Variants in NCOR2 observed in about 807,000 individuals in gnomAD.
NCOR2 encodes the protein CTG repeat protein 26.
Under a neutral mutation model 262.9 loss-of-function variants are expected in NCOR2, and 81 were observed. That is an observed-to-expected ratio of 0.31 (90% confidence interval 0.26 to 0.37). The LOEUF is 0.37. NCOR2 is among the 10% of genes least tolerant of loss of function. The pLI is 1.00. For missense variants in NCOR2, 3,385 were observed against 3,621.4 expected (o/e 0.93, Z 1.68); for synonymous variants, 1,659 against 1,559.3 (o/e 1.06, Z -1.51).
exon 15 of NCOR2, chr12:124,400,610 G>A: frequency 6.2e-6 from 10 of 1,614,198 alleles, no homozygotes; most frequent in Non-Finnish European, 8.5e-6. Context: ...CAGTTTTGCG[G>A]CCTTTGGAGG....
intron 23 of NCOR2, among the ~76,000 whole-genome samples, chr12:124,356,278 C>T (rs1338538668): frequency 2.6e-5 from 4 of 152,212 alleles, no homozygotes; most frequent in African/African-American, 7.2e-5. Context: ...AGAACAGGGC[C>T]GAAATGCAGC....
chr12:124,400,349 C>T lies in NCOR2; in HGVS notation c.1813+152G>A, dbSNP rs1051448972. ...TTCATGCTGGGCCACACAGCACATC[C>T]AGTAGGTAGCGCTGGGATTTGACTC... On this transcript the variant is annotated intron_variant, in intron 15 of 46. Transcript: ENST00000405201. The T allele has an allele frequency of 8.9e-5, 93 of 1,046,206 alleles. No homozygotes were observed. The East Asian group carries it at 2.2e-3, about 25-fold the overall frequency. 64.8% of individuals were successfully genotyped at this position (1,046,206 alleles called of 1,614,324 possible).
chr12:124,328,457 C>T (rs2034884713), intron 44 of NCOR2: 1 of 152,568 alleles, frequency 6.6e-6, no homozygotes, highest in Non-Finnish European at 1.5e-5. Flanking sequence ...ACAAACCGGT[C>T]CCAAGAGGAT....
At chr12:124,500,647 C>T (rs2048650192) in intron 1 of NCOR2, among the ~76,000 whole-genome samples, 1 of 152,158 alleles carries the variant, frequency 6.6e-6, no homozygotes, top group Non-Finnish European at 1.5e-5. Flanking sequence ...CTCTTCCCAC[C>T]TGGCCGGGCA....
chr12:124,429,836 C>A, intron 9 of NCOR2, 130 bp from the exon 12 acceptor site: 1 of 855,198 alleles, frequency 1.2e-6, no homozygotes, highest in Non-Finnish European at 1.8e-6. Context: ...GCAGAGGGGC[C>A]GGCCCCACAC....
At chr12:124,532,699 CCGGAGA>C (rs1489243662) in intron 1 of NCOR2, among the ~76,000 whole-genome samples, 2 of 152,208 alleles carry the variant, frequency 1.3e-5, no homozygotes, top group African/African-American at 2.4e-5. Context: ...CCCCATTAGG[CCGGAGA>C]CGGAGACGCC....
intron 1 of NCOR2, among the ~76,000 whole-genome samples, chr12:124,515,711 G>GT (rs1472412601): frequency 1.3e-5 from 2 of 150,782 alleles, no homozygotes; most frequent in African/African-American, 4.9e-5. Flanking sequence ...TCGTGTGACT[G>GT]TGTGTATGGT....
intron 12 of NCOR2, 86 bp downstream of exon 14, chr12:124,422,415 G>T: frequency 6.6e-7 from 1 of 1,520,196 alleles, no homozygotes; most frequent in East Asian, 2.3e-5. Context: ...GGCCTTGTGG[G>T]CAAGGAGGGA....
chr12:124,559,368 G>A (rs566608847), intron 1 of NCOR2, among the ~76,000 whole-genome samples: 1 of 152,278 alleles, frequency 6.6e-6, no homozygotes, highest in South Asian at 2.1e-4. Flanking sequence ...CATTCCCTCA[G>A]GCCAAGCAGT....
Position 124,327,986 on chromosome 12 carries a change from C to T in NCOR2, c.6959-353G>A, listed in dbSNP as rs184021973. ...TCTGGGAAATCACAAGCCCCGTCTG[C>T]ACCTCCAATCCTAGCTGGGGCTGTT... On this transcript the variant is annotated intron_variant, in intron 44 of 46. Transcript: ENST00000405201. Among the ~76,000 whole-genome samples the T allele has an allele frequency of 8.6e-5, 13 of 152,022 alleles. No homozygotes were observed. The East Asian group carries it at 2.5e-3, about 29-fold the overall frequency.
chr12:124,567,102 AAGTTCCCCGGCGCCCCCG>A, intron 1 of NCOR2, among the ~76,000 whole-genome samples, 188 bp downstream of exon 1: 1 of 147,130 alleles, frequency 6.8e-6, no homozygotes, highest in Non-Finnish European at 1.5e-5. Flanking sequence ...GAGTTCCCCT[AAGTTCCCCGGCGCCCCCG>A]AGCACGCGGG....
chr12:124,463,209 G>A (rs1429486436), intron 5 of NCOR2, among the ~76,000 whole-genome samples: 1 of 152,194 alleles, frequency 6.6e-6, no homozygotes, highest in Non-Finnish European at 1.5e-5. Flanking sequence ...GCCTTGTCCC[G>A]GAACCAACAG....
chr12:124,387,680 G>A (rs1325551623), intron 16 of NCOR2, among the ~76,000 whole-genome samples: 2 of 152,242 alleles, frequency 1.3e-5, no homozygotes, highest in Non-Finnish European at 2.9e-5. Context: ...GCCGGGGCGT[G>A]GGATCAAGTG....
chr12:124,398,832 A>AC (rs2041838099), intron 15 of NCOR2, among the ~76,000 whole-genome samples: 1 of 152,008 alleles, frequency 6.6e-6, no homozygotes, highest in Admixed American at 6.5e-5. Context: ...GAATGTTCAT[A>AC]CCCCCACTCA....
chr12:124,502,272 C>T (rs780389463), intron 1 of NCOR2, among the ~76,000 whole-genome samples: 8 of 152,210 alleles, frequency 5.3e-5, no homozygotes, highest in Admixed American at 3.9e-4. Context: ...CTGTCTACCA[C>T]GATTTGTTAA....
chr12:124,369,205 G>C (rs2039283379), intron 20 of NCOR2, among the ~76,000 whole-genome samples: 1 of 152,372 alleles, frequency 6.6e-6, no homozygotes, highest in African/African-American at 2.4e-5. Flanking sequence ...AAGAGTAAGA[G>C]AGGGGAAGGC....
chr12:124,474,340 T>TTTA (rs1205265224), intron 3 of NCOR2, among the ~76,000 whole-genome samples: 1 of 152,210 alleles, frequency 6.6e-6, no homozygotes, highest in Non-Finnish European at 1.5e-5. Context: ...AGAGGGTATT[T>TTTA]TTACTTTCTT....
At chr12:124,340,571 G>C in intron 35 of NCOR2, 31 bp downstream of exon 37, 1 of 1,514,036 alleles carries the variant, frequency 6.6e-7, no homozygotes, top group Non-Finnish European at 8.8e-7. Context: ...GGATGCCGGG[G>C]TCCCCACCCC....
Position 124,346,856 on chromosome 12 carries a change from G to T in NCOR2, c.4073-6C>A. On this transcript the variant is annotated splice_region_variant and splice_polypyrimidine_tract_variant and intron_variant, in intron 30 of 46. Transcript: ENST00000405201. Reference sequence around the variant, plus strand: ...CACGTAGGACCGAGGGATCCCTGCCGGGCCGACAGCACTGACCCTCACGCC... The same window carrying T: ...CACGTAGGACCGAGGGATCCCTGCCTGGCCGACAGCACTGACCCTCACGCC... 1 of 1,561,126 alleles carries T rather than the reference G, an allele frequency of 6.4e-7. No individual in the cohort carries two copies.
Sources: gnomAD v4.1 joint callset for allele counts (sites outside exome capture counted in the v4.1 genomes callset) on GRCh38, gnomAD v4.1.1 for gene constraint, MANE v1.5 for transcripts, NCBI Gene and HGNC (gene_info 2026-07-23, HGNC 2026-07-21) for gene names.